Variants in GREB1 observed in about 807,000 individuals in gnomAD.
GREB1 encodes the protein protein GREB1.
GREB1 carries 106 observed loss-of-function variants against 200.7 expected under a neutral mutation model. That is an observed-to-expected ratio of 0.53 (90% CI 0.45 to 0.62). GREB1 has a LOEUF of 0.62. Ranked by LOEUF, GREB1 falls within the 20% of genes least tolerant of loss-of-function variation. The pLI is 0.00. For missense variants in GREB1, 2,243 were observed against 2,556.8 expected (o/e 0.88, Z 2.65); for synonymous variants, 1,132 against 1,092.4 (o/e 1.04, Z -0.72).
rs139868165 is a variant in GREB1 at position 11,589,291 on chromosome 2, G to A, written c.1345+360G>A. Reference sequence around the variant, plus strand: ...GGTAAAGATGGGTGCATGCATTAGTGTGTGTTTGTATGGGGTCAGTTTAGG... The same window carrying A: ...GGTAAAGATGGGTGCATGCATTAGTATGTGTTTGTATGGGGTCAGTTTAGG... On this transcript the variant is annotated intron_variant, in intron 10 of 32. Coordinates refer to ENST00000381486, the MANE Select transcript of GREB1 (RefSeq NM_014668.4). 2.0e-4 allele frequency among the ~76,000 whole-genome samples: 31 copies of A among 152,340 alleles called. No homozygotes were observed. In the East Asian group the frequency reaches 2.1e-3, roughly 10 times the overall value.
intron 1 of GREB1, among the ~76,000 whole-genome samples, chr2:11,523,120 C>T (rs552414677): frequency 6.6e-6 from 1 of 152,272 alleles, no homozygotes; most frequent in South Asian, 2.1e-4. Flanking sequence ...AGCAGACTAA[C>T]ACAGGAACAG....
At chr2:11,514,996 G>A (rs112075293) in intron 1 of GREB1, among the ~76,000 whole-genome samples, 2 of 145,774 alleles carry the variant, frequency 1.4e-5, no homozygotes, top group Non-Finnish European at 3.0e-5. Flanking sequence ...CCGCGCATGT[G>A]TCCATCCTCT....
At position 11,633,626 on chromosome 2, in the gene GREB1, A is replaced by G. The variant is rs1193798081; in HGVS notation, c.4992-505A>G. The stretch of plus-strand genomic sequence containing the variant: ...TATAATGCAGAAAATCACACTATCC[A>G]TTTAGTATAATATATAGACAAAAAA... On this transcript the variant is annotated intron_variant, in intron 28 of 32. Transcript: ENST00000381486. The surrounding 1 kb of genome is among the most constrained non-coding windows in gnomAD (Gnocchi z 4.1). 2.6e-5 allele frequency among the ~76,000 whole-genome samples: 4 copies of G among 152,070 alleles called. No homozygotes were observed. The highest frequency in any genetic ancestry group is 4.4e-5 in the Non-Finnish European group (3 of 68,026).
rs137883226 is a variant in GREB1, at chr2:11,583,521, T to C, written c.902-1640T>C. Among the ~76,000 whole-genome samples, 100 of 152,310 alleles carry C rather than the reference T, an allele frequency of 6.6e-4. 1 individual carries two copies. Among genetic ancestry groups the C allele is most frequent in the African/African-American group, 2.4e-3 (98 of 41,568 alleles). Reference sequence around the variant, plus strand: ...TGATAATTTTTTTTTTGTTTACTCTTGAGAGACTCTAAAGCAATGATTCTC... The same window carrying C: ...TGATAATTTTTTTTTTGTTTACTCTCGAGAGACTCTAAAGCAATGATTCTC... On this transcript the variant is annotated intron_variant, in intron 7 of 32. Coordinates refer to ENST00000381486, the MANE Select transcript of GREB1 (RefSeq NM_014668.4).
At chr2:11,499,057 A>G (rs1672960757) in intron 1 of GREB1, among the ~76,000 whole-genome samples, 1 of 152,252 alleles carries the variant, frequency 6.6e-6, no homozygotes, top group Non-Finnish European at 1.5e-5. Context: ...ACAGATAAGC[A>G]ACATGTATCT....
chr2:11,581,060 G>C, intron 7 of GREB1: 1 of 670,856 alleles, frequency 1.5e-6, no homozygotes, highest in Non-Finnish European at 2.8e-6. Context: ...CCAAGGAGCA[G>C]TGAGACACCT....
rs771949578 is a variant in GREB1 at position 11,635,417 on chromosome 2, G to A, written c.5346+12G>A. The A allele has an allele frequency of 1.1e-5, 18 of 1,596,522 alleles. No homozygotes were observed. The highest frequency in any genetic ancestry group is 3.4e-5 in the Admixed American group (2 of 59,008). ...ACATCACATCCAAGGTGAGCTCCTC[G>A]CTGCTGGGCAGGCCTCTATGTCCAC... On this transcript the variant is annotated intron_variant, in intron 30 of 32. Transcript: ENST00000381486.
chr2:11,503,761 T>C (rs923302578), intron 1 of GREB1, among the ~76,000 whole-genome samples: 5 of 152,206 alleles, frequency 3.3e-5, no homozygotes, highest in African/African-American at 1.2e-4. Flanking sequence ...CGTCTGGTTA[T>C]CTTAGGGTTA....
intron 19 of GREB1, among the ~76,000 whole-genome samples, chr2:11,614,842 T>TA (rs1683266863): frequency 6.6e-6 from 1 of 151,844 alleles, no homozygotes; most frequent in Non-Finnish European, 1.5e-5. Context: ...CAAGCCCCTT[T>TA]TTTATCTGAC....
At position 11,618,410 on chromosome 2, in the gene GREB1, C is replaced by T; in HGVS notation, c.3535C>T (p.Pro1179Ser). 4 of 1,610,198 alleles carry T rather than the reference C, an allele frequency of 2.5e-6. No individual in the cohort carries two copies. Among genetic ancestry groups the T allele is most frequent in the Middle Eastern group, 1.7e-4 (1 of 6,030 alleles). Residue 1179 changes from proline to serine, a missense_variant, in exon 22 of 33, where the codon CCC (proline) becomes TCC (serine). Transcript: ENST00000381486. Reference protein sequence around the residue: ...EGRAPGEKQRPRASQGPPSAI... With the variant: ...EGRAPGEKQRSRASQGPPSAI... ...CAGAGCCCCTGGTGAGAAACAGAGG[C>T]CCCGGGCAAGTCAGGGGCCACCCTC...
chr2:11,599,806 C>T (rs1032516083), intron 15 of GREB1, among the ~76,000 whole-genome samples: 2 of 152,186 alleles, frequency 1.3e-5, no homozygotes, highest in Admixed American at 6.5e-5. Flanking sequence ...AGGCGTGAGC[C>T]ACCGCACCCG....
chr2:11,607,709 C>T (rs1004330015), intron 17 of GREB1, among the ~76,000 whole-genome samples: 9 of 151,416 alleles, frequency 5.9e-5, no homozygotes, highest in Non-Finnish European at 7.4e-5. Flanking sequence ...TCAGGTGTCA[C>T]GTGCATTGAT....
At chr2:11,497,743 G>A (rs1595018) in intron 1 of GREB1, among the ~76,000 whole-genome samples, 151,525 of 152,250 alleles carry the variant, frequency 1, 75,410 homozygotes, top group Middle Eastern at 1. Flanking sequence ...ACATCTTTTC[G>A]TGACTTATTT....
chr2:11,640,594 C>T lies in GREB1; in HGVS notation c.*140C>T. The T allele has an allele frequency of 1.1e-6, 1 of 927,676 alleles. No individual in the cohort carries two copies. The highest frequency in any genetic ancestry group is 1.6e-6 in the Non-Finnish European group (1 of 611,968). The allele number at this position is 927,676 out of a possible 1,614,324, so 57.5% of individuals were successfully genotyped here. ...TCCAGGTGCAGCCCCTCCTAGTACACATGGGCCCCCGAGGCCGTGGTCCTG... is the reference window on the plus strand; with the variant it reads ...TCCAGGTGCAGCCCCTCCTAGTACATATGGGCCCCCGAGGCCGTGGTCCTG... On this transcript the variant is annotated 3_prime_UTR_variant, in exon 33 of 33. Transcript: ENST00000381486. The surrounding 1 kb of genome is among the most constrained non-coding windows in gnomAD (Gnocchi z 4.6).
chr2:11,483,341 T>A (rs73917222), intron 1 of GREB1, among the ~76,000 whole-genome samples: 20 of 149,350 alleles, frequency 1.3e-4, no homozygotes, highest in South Asian at 2.1e-4. Flanking sequence ...TGTGTGTGTG[T>A]GAGAGAGAGA....
chr2:11,516,790 A>C (rs546384902), intron 1 of GREB1, among the ~76,000 whole-genome samples: 1 of 152,334 alleles, frequency 6.6e-6, no homozygotes, highest in African/African-American at 2.4e-5. Flanking sequence ...ACACGCAAGC[A>C]AGAAAGAGAG....
At chr2:11,499,908 A>G (rs1672983172) in intron 1 of GREB1, among the ~76,000 whole-genome samples, 1 of 152,240 alleles carries the variant, frequency 6.6e-6, no homozygotes, top group African/African-American at 2.4e-5. Context: ...ATCCTTTTAC[A>G]TAATTTCTTT....
intron 12 of GREB1, 126 bp downstream of exon 12, chr2:11,595,505 C>T (rs1681130788): frequency 5.5e-6 from 5 of 909,798 alleles, no homozygotes; most frequent in Non-Finnish European, 8.3e-6. Flanking sequence ...CAGAGTGCCC[C>T]TCATTCTGTG....
Position 11,543,778 on chromosome 2 carries a change from G to A in GREB1, c.-162+9524G>A, listed in dbSNP as rs765868716. On this transcript the variant is annotated intron_variant, in intron 1 of 32. Transcript: ENST00000381486. ...ATGTTGCAACTGGGAACCCCAGAGC[G>A]CTGTGTTCTCAGCACCTCGTGGGCC... 1.5e-4 allele frequency among the ~76,000 whole-genome samples: 23 copies of A among 152,282 alleles called. No homozygotes were observed. The Middle Eastern group carries it at 0.01, about 68-fold the overall frequency.
Sources: allele counts gnomAD v4.1 joint callset (sites outside exome capture counted in the v4.1 genomes callset), GRCh38; gene constraint gnomAD v4.1.1; non-coding constraint Gnocchi (gnomAD v3.1); transcripts MANE v1.5; gene names NCBI Gene and HGNC (gene_info 2026-07-23, HGNC 2026-07-21).